The following TBC1D12 variants were observed in gnomAD, a reference collection of about 807,000 sequenced individuals.
TBC1D12 encodes TBC1 domain family member 12.
TBC1D12 carries 56 observed loss-of-function variants against 86.7 expected under a neutral mutation model. The observed-to-expected ratio is 0.65, with a 90% CI of 0.52 to 0.81. The LOEUF (loss-of-function observed/expected upper bound fraction) is 0.81, where lower values mean the gene tolerates loss of function less well. Among genes scored for constraint, TBC1D12 ranks in the 30% least tolerant of loss-of-function variants. The probability of loss-of-function intolerance (pLI) is 0.00; values close to 1 mark genes in which losing one functional copy is unlikely to be tolerated. For missense variants in TBC1D12, 1,023 were observed against 1,038.8 expected (o/e 0.98, Z 0.21); for synonymous variants, 421 against 411.7 (o/e 1.02, Z -0.27).
intron 2 of TBC1D12, among the ~76,000 whole-genome samples, chr10:94,444,173 A>G (rs2055418692): frequency 7.1e-6 from 1 of 140,578 alleles, no homozygotes; most frequent in South Asian, 2.2e-4. Context: ...CCATCTCAAG[A>G]AAAAAAAAAA....
At chr10:94,450,860 T>G (rs771430402) in intron 2 of TBC1D12, among the ~76,000 whole-genome samples, 1 of 152,088 alleles carries the variant, frequency 6.6e-6, no homozygotes, top group Admixed American at 6.5e-5. Flanking sequence ...TTGTCATTTG[T>G]GGCAACATGA....
intron 2 of TBC1D12, among the ~76,000 whole-genome samples, chr10:94,465,774 G>A (rs532343177): frequency 4.7e-4 from 69 of 145,578 alleles, no homozygotes; most frequent in South Asian, 4.4e-3. Flanking sequence ...ATACGTATAC[G>A]CATACATACA....
At chr10:94,495,765 A>G (rs1196011221) in intron 4 of TBC1D12, among the ~76,000 whole-genome samples, 1 of 152,132 alleles carries the variant, frequency 6.6e-6, no homozygotes, top group African/African-American at 2.4e-5. Flanking sequence ...CATTCTCCCA[A>G]GAAATCTTAT....
chr10:94,405,386 A>G (rs896131540), intron 1 of TBC1D12, among the ~76,000 whole-genome samples: 1 of 152,180 alleles, frequency 6.6e-6, no homozygotes, highest in Admixed American at 6.5e-5. Flanking sequence ...TAAATTTACA[A>G]ATATAAAGTT....
In TBC1D12 at chr10:94,408,799, A is replaced by G. The variant is rs548791960; in HGVS notation, c.971+5215A>G. Among the ~76,000 whole-genome samples, 4 of 152,290 alleles carry G rather than the reference A, an allele frequency of 2.6e-5. No homozygotes were observed. In the South Asian group the frequency reaches 8.3e-4, roughly 32 times the overall value. On this transcript the variant is annotated intron_variant, in intron 1 of 12. Coordinates refer to ENST00000225235, the MANE Select transcript of TBC1D12 (RefSeq NM_015188.2). The stretch of plus-strand genomic sequence containing the variant: ...TCTCAAATCACTAAAGAAAAGGCAA[A>G]ATATGAAACTTCTGATGTTTTAAAA...
Position 94,403,613 on chromosome 10 carries a change from G to GCGGGTC in TBC1D12, c.971+34_971+39dup, listed in dbSNP as rs781738707. ...CAGCGCAGGCTGCATGGGACTCGGG[G>GCGGGTC]CGGGTCCGGGGCCGGGGCCGGAGCC... On this transcript the variant is annotated intron_variant, in intron 1 of 12. Transcript: ENST00000225235. 6.6e-5 allele frequency: 94 copies of GCGGGTC among 1,425,352 alleles called. No homozygotes were observed. In the Middle Eastern group the frequency reaches 1.6e-3, roughly 24 times the overall value. 88.3% of individuals were successfully genotyped at this position (1,425,352 alleles called of 1,614,324 possible). A position where few individuals can be genotyped will look rare whatever the true frequency, so the allele number is the denominator to read the frequency against.
At chr10:94,523,043 CAA>C (rs35912130) in intron 11 of TBC1D12, among the ~76,000 whole-genome samples, 14 of 64,640 alleles carry the variant, frequency 2.2e-4, no homozygotes, top group African/African-American at 4.5e-4. Flanking sequence ...GACTCCAGCT[CAA>C]AAAAAAAAAA....
chr10:94,427,292 A>G (rs1053529098), intron 1 of TBC1D12, among the ~76,000 whole-genome samples: 2 of 151,246 alleles, frequency 1.3e-5, no homozygotes, highest in African/African-American at 2.4e-5. Flanking sequence ...GTTTTTCCTT[A>G]TTACCGCTTG....
intron 1 of TBC1D12, among the ~76,000 whole-genome samples, chr10:94,438,481 G>A (rs1780931940): frequency 1.3e-5 from 2 of 152,008 alleles, no homozygotes; most frequent in Admixed American, 6.6e-5. Context: ...GCATGTGCCT[G>A]CATCACTCCC....
Position 94,522,124 on chromosome 10 carries a change from A to T in TBC1D12, c.1890+41A>T, listed in dbSNP as rs1485924717. On this transcript the variant is annotated intron_variant, in intron 10 of 12. Transcript: ENST00000225235. Reference sequence around the variant, plus strand: ...GTTTTCCATTGTTTCTGTAGTTTGAATGCCCTCTTAGAGTGAAAAACAATA... The same window carrying T: ...GTTTTCCATTGTTTCTGTAGTTTGATTGCCCTCTTAGAGTGAAAAACAATA... 2.5e-6 allele frequency: 4 copies of T among 1,594,050 alleles called. No homozygotes were observed. The African/African-American group carries it at 4.0e-5, about 16-fold the overall frequency.
chr10:94,522,217 T>C, intron 10 of TBC1D12, 127 bp from the exon 11 acceptor site: 1 of 1,251,934 alleles, frequency 8.0e-7, no homozygotes, highest in Non-Finnish European at 1.1e-6. Flanking sequence ...TAATGAATGT[T>C]TGCTGAGAAG....
intron 3 of TBC1D12, among the ~76,000 whole-genome samples, chr10:94,479,023 G>A (rs2056037330): frequency 6.6e-6 from 1 of 151,952 alleles, no homozygotes; most frequent in Admixed American, 6.6e-5. Flanking sequence ...AATTTCTAAA[G>A]GTAAATGAAA....
Position 94,431,410 on chromosome 10 carries a change from T to TA in TBC1D12, c.972-10471dup, listed in dbSNP as rs766071204. The stretch of plus-strand genomic sequence containing the variant: ...AGCCTGGGTGATAGAGCAAGACTCT[T>TA]AAAAAAAAAAAAAAAGAAAAGAAAG... On this transcript the variant is annotated intron_variant, in intron 1 of 12. Coordinates refer to ENST00000225235, the MANE Select transcript of TBC1D12 (RefSeq NM_015188.2). Among the ~76,000 whole-genome samples, 1,134 of 114,364 alleles carry TA rather than the reference T, an allele frequency of 9.9e-3. 10 individuals are homozygous for TA. The highest frequency in any genetic ancestry group is 0.028 in the African/African-American group (940 of 33,372). The allele number at this position is 114,364 out of a possible 152,430, so 75.0% of individuals were successfully genotyped here.
At position 94,522,009 on chromosome 10, in the gene TBC1D12, G is replaced by A. The variant is rs1195492392; in HGVS notation, c.1816G>A (p.Asp606Asn). 6.2e-7 allele frequency: 1 copy of A among 1,612,582 alleles called. No homozygotes were observed. The highest frequency in any genetic ancestry group is 8.5e-7 in the Non-Finnish European group (1 of 1,178,978). ...ACTCATTCTCAATTTGGAAGAGGCAGATGCCTTTATCGCATTTGCCAATCT... is the reference window on the plus strand; with the variant it reads ...ACTCATTCTCAATTTGGAAGAGGCAAATGCCTTTATCGCATTTGCCAATCT... ...AVLILNLEEA[D>N]AFIAFANLLN... Residue 606 changes from aspartate to asparagine, a missense_variant, in exon 10 of 13, where the codon GAT becomes AAT. Transcript: ENST00000225235.
chr10:94,484,489 C>T (rs373436288), intron 3 of TBC1D12, among the ~76,000 whole-genome samples: 69 of 152,252 alleles, frequency 4.5e-4, no homozygotes, highest in African/African-American at 1.6e-3. Context: ...ATCCACCCAC[C>T]TCAGCCTCCC....
rs189794772 is a variant in TBC1D12, at chr10:94,409,777, G to A, written c.971+6193G>A. Among the ~76,000 whole-genome samples the A allele has an allele frequency of 6.2e-4, 95 of 152,100 alleles. 1 individual carries two copies. Among genetic ancestry groups the A allele is most frequent in the Non-Finnish European group, 7.1e-4 (48 of 68,006 alleles). On this transcript the variant is annotated intron_variant, in intron 1 of 12. Transcript: ENST00000225235. ...TAGAAATCTCTACATTATCCAAAAT[G>A]GCCATAGAGATTAATTTTTAATTTT...
intron 1 of TBC1D12, among the ~76,000 whole-genome samples, chr10:94,431,248 C>G (rs1339822040): frequency 6.6e-6 from 1 of 151,842 alleles, no homozygotes; most frequent in Non-Finnish European, 1.5e-5. Context: ...AACCGTGTCT[C>G]TACTAAAAAT....
intron 3 of TBC1D12, among the ~76,000 whole-genome samples, chr10:94,492,785 GA>G (rs2056263603): frequency 6.6e-6 from 1 of 152,122 alleles, no homozygotes; most frequent in Non-Finnish European, 1.5e-5. Flanking sequence ...GGAATGATGG[GA>G]ATGTTCTATA....
chr10:94,524,348 T>G (rs1842232627), intron 11 of TBC1D12, among the ~76,000 whole-genome samples: 1 of 152,160 alleles, frequency 6.6e-6, no homozygotes, highest in South Asian at 2.1e-4. Context: ...CAAAATGTGG[T>G]TTAGCTGTTT....
Sources: gnomAD v4.1 joint callset for allele counts (sites outside exome capture counted in the v4.1 genomes callset) on GRCh38, gnomAD v4.1.1 for gene constraint, MANE v1.5 for transcripts, NCBI Gene and HGNC (gene_info 2026-07-23, HGNC 2026-07-21) for gene names.